FAM120B: variants seen among roughly 807,000 people sequenced by gnomAD.
FAM120B encodes the protein family with sequence similarity 120 member B.
FAM120B carries 83 observed loss-of-function variants against 96.3 expected under a neutral mutation model. That is an observed-to-expected ratio of 0.86 (90% CI 0.72 to 1.03). FAM120B has a LOEUF of 1.03. Ranked by LOEUF, FAM120B falls within the 50% of genes least tolerant of loss-of-function variation. The pLI is 0.00. For missense variants in FAM120B, 1,027 were observed against 1,121.2 expected (o/e 0.92, Z 1.20); for synonymous variants, 407 against 402.7 (o/e 1.01, Z -0.13).
intron 6 of FAM120B, among the ~76,000 whole-genome samples, chr6:170,382,894 A>G (rs1339933179): frequency 6.6e-6 from 1 of 152,228 alleles, no homozygotes; most frequent in Non-Finnish European, 1.5e-5. Context: ...TTGATAACAT[A>G]CCTTGCTATA....
chr6:170,365,608 T>C (rs1788731881), intron 6 of FAM120B, among the ~76,000 whole-genome samples: 1 of 152,184 alleles, frequency 6.6e-6, no homozygotes, highest in Non-Finnish European at 1.5e-5. Flanking sequence ...GTGAACTAGA[T>C]GTGTCCTCCT....
At position 170,317,531 on chromosome 6, in the gene FAM120B, T is replaced by C; in HGVS notation, c.141T>C (p.Cys47=). ...CTPTIVVDAM[C]CLRYWYTPES... is the part of the protein sequence containing the mutation. ...CTACCATTGTGGTTGATGCCATGTG[T>C]TGTCTCAGATATTGGTATACTCCAG... is the stretch of plus-strand genomic sequence containing the variant. Residue 47 remains cysteine, a synonymous_variant, in exon 2 of 11, where the codon TGT becomes TGC. Transcript: ENST00000476287. The C allele has an allele frequency of 1.9e-6, 3 of 1,614,214 alleles. No individual in the cohort carries two copies. The highest frequency in any genetic ancestry group is 2.5e-6 in the Non-Finnish European group (3 of 1,180,028).
At chr6:170,394,517 G>A (rs1279935720) in intron 8 of FAM120B, among the ~76,000 whole-genome samples, 4 of 137,054 alleles carry the variant, frequency 2.9e-5, no homozygotes, top group African/African-American at 8.3e-5. Flanking sequence ...CCACGCCTCC[G>A]TGGACACCGC....
chr6:170,294,996 G>A (rs1425966624), upstream of FAM120B, among the ~76,000 whole-genome samples: 1 of 152,164 alleles, frequency 6.6e-6, no homozygotes, highest in Non-Finnish European at 1.5e-5. This position sits in a 1 kb window ranked among gnomAD's most constrained non-coding sequence, Gnocchi z 7.9. Context: ...AGAAGAAGGG[G>A]ACGTAGACCA....
chr6:170,307,103 C>G (rs1784335542), intron 1 of FAM120B, among the ~76,000 whole-genome samples: 1 of 152,218 alleles, frequency 6.6e-6, no homozygotes, highest in Admixed American at 6.5e-5. Flanking sequence ...ATTGCGTGCT[C>G]CCCGACCTCG....
intron 1 of FAM120B, among the ~76,000 whole-genome samples, chr6:170,299,256 TTTCTAC>T (rs1784092395): frequency 6.6e-6 from 1 of 152,240 alleles, no homozygotes; most frequent in African/African-American, 2.4e-5. Context: ...TTACTCATCA[TTTCTAC>T]TTCTTCTTTG....
At chr6:170,345,810 A>G (rs757308933) in intron 4 of FAM120B, among the ~76,000 whole-genome samples, 1 of 152,244 alleles carries the variant, frequency 6.6e-6, no homozygotes, top group Non-Finnish European at 1.5e-5. Flanking sequence ...CTAGTTATGT[A>G]TTCAGGAAGT....
chr6:170,330,160 G>A (rs1405257015), intron 3 of FAM120B, among the ~76,000 whole-genome samples: 2 of 152,152 alleles, frequency 1.3e-5, no homozygotes, highest in South Asian at 2.1e-4. Context: ...GAAAGACATC[G>A]TAGGAGTCAT....
In FAM120B at chr6:170,355,705, T is replaced by C. The variant is rs114090068; in HGVS notation, c.2191-2521T>C. On this transcript the variant is annotated intron_variant, in intron 5 of 10. Coordinates refer to ENST00000476287, the MANE Select transcript of FAM120B (RefSeq NM_032448.3). ...ATGTAACAAGCCTGCACATCCTGCA[T>C]ATGTACCCCCAAACTTAAACTTTGG... is the stretch of plus-strand genomic sequence containing the variant. 5.9e-4 allele frequency among the ~76,000 whole-genome samples: 90 copies of C among 152,302 alleles called. 1 individual carries two copies. The highest frequency in any genetic ancestry group is 2.1e-3 in the African/African-American group (86 of 41,564).
intron 4 of FAM120B, among the ~76,000 whole-genome samples, chr6:170,337,567 C>G (rs1052564879): frequency 3.0e-4 from 46 of 152,150 alleles, no homozygotes; most frequent in African/African-American, 1.1e-3. Context: ...GGAAAAGTCC[C>G]TTGTTTTCTA....
At chr6:170,364,590 A>T (rs1197578173) in intron 6 of FAM120B, among the ~76,000 whole-genome samples, 1 of 152,266 alleles carries the variant, frequency 6.6e-6, no homozygotes, top group Non-Finnish European at 1.5e-5. Context: ...TGTCTGGTTC[A>T]GCAAAGTGTT....
At chr6:170,388,685 A>G (rs535342872) in intron 7 of FAM120B, among the ~76,000 whole-genome samples, 192 bp downstream of exon 7, 7 of 152,224 alleles carry the variant, frequency 4.6e-5, no homozygotes, top group Admixed American at 2.6e-4. Flanking sequence ...AATATCCCTT[A>G]TCTGAAATAC....
intron 9 of FAM120B, among the ~76,000 whole-genome samples, chr6:170,401,389 G>C (rs895415101): frequency 6.6e-6 from 1 of 152,174 alleles, no homozygotes; most frequent in Admixed American, 6.5e-5. Context: ...GGGGGTGACA[G>C]GACATGGGGG....
chr6:170,329,672 C>T (rs1015806528), intron 3 of FAM120B, among the ~76,000 whole-genome samples: 1 of 152,058 alleles, frequency 6.6e-6, no homozygotes, highest in African/African-American at 2.4e-5. Flanking sequence ...TCAGTTCTCT[C>T]CTGGAAGTGC....
chr6:170,358,827 A>G (rs956749354), intron 6 of FAM120B, among the ~76,000 whole-genome samples: 5 of 152,110 alleles, frequency 3.3e-5, no homozygotes, highest in Non-Finnish European at 7.4e-5. Flanking sequence ...GCCCTCCGGG[A>G]GTGCTTATTT....
intron 6 of FAM120B, among the ~76,000 whole-genome samples, chr6:170,376,477 CG>C (rs1191007492): frequency 3.7e-5 from 3 of 82,122 alleles, no homozygotes; most frequent in African/African-American, 1.4e-4. Flanking sequence ...TCGAGGAACA[CG>C]GGGGTGGGGG....
chr6:170,400,629 A>C (rs1000250855), intron 9 of FAM120B, among the ~76,000 whole-genome samples: 4 of 152,196 alleles, frequency 2.6e-5, no homozygotes, highest in African/African-American at 9.7e-5. Context: ...ACCAGCATCC[A>C]GGCAGAGGGG....
rs13217393 is a variant in FAM120B at position 170,306,796 on chromosome 6, C to T, written c.-68C>T. ...GTGGCGGTGGCTGAGGCGGCTGGGC[C>T]TAGGGTGCAGCGGGCGCGTCTGCGG... On this transcript the variant is annotated 5_prime_UTR_variant, in exon 1 of 11. Transcript: ENST00000476287. 1.3e-5 allele frequency: 2 copies of T among 153,126 alleles called. No homozygotes were observed. Among genetic ancestry groups the T allele is most frequent in the African/African-American group, 4.8e-5 (2 of 41,466 alleles). The allele number at this position is 153,126 out of a possible 1,614,324, so 9.5% of individuals were successfully genotyped here. A position where few individuals can be genotyped will look rare whatever the true frequency, so the allele number is the denominator to read the frequency against.
chr6:170,308,995 A>T (rs1016195984), intron 1 of FAM120B, among the ~76,000 whole-genome samples: 2 of 152,178 alleles, frequency 1.3e-5, no homozygotes, highest in African/African-American at 4.8e-5. Context: ...TGTTAGATTT[A>T]TTTCACTGCT....
Sources: gnomAD v4.1 joint callset for allele counts (sites outside exome capture counted in the v4.1 genomes callset) on GRCh38, gnomAD v4.1.1 for gene constraint, Gnocchi (gnomAD v3.1) non-coding constraint, MANE v1.5 for transcripts, NCBI Gene and HGNC (gene_info 2026-07-23, HGNC 2026-07-21) for gene names.